RPS6KA2: variants seen among roughly 807,000 people sequenced by gnomAD.
The protein encoded by RPS6KA2 is ribosomal protein S6 kinase A2.
A neutral mutation model predicts 91.8 loss-of-function variants in RPS6KA2; 42 were observed. The ratio of observed to expected loss-of-function variants is 0.46; its 90% CI spans 0.36 to 0.59. The LOEUF (loss-of-function observed/expected upper bound fraction) is 0.59, where lower values mean the gene tolerates loss of function less well. Among genes scored for constraint, RPS6KA2 ranks in the 20% least tolerant of loss-of-function variants. The pLI, the probability that RPS6KA2 is intolerant of heterozygous loss-of-function variation, is 0.00. For synonymous variants in RPS6KA2, 414 were observed against 393.6 expected (o/e 1.05, Z -0.61); for missense variants, 798 against 978.5 (o/e 0.82, Z 2.46).
Position 166,430,434 on chromosome 6 carries a change from C to T in RPS6KA2, c.1581+19G>A. On this transcript the variant is annotated intron_variant, in intron 16 of 20. Transcript: ENST00000265678. ...GAAGCTCCCTCCTCCCCGAAGGCTG[C>T]CCCAGGCATGGCTCCTACCCCCTGG... is the stretch of plus-strand genomic sequence containing the variant. 6.3e-7 allele frequency: 1 copy of T among 1,597,560 alleles called. No homozygotes were observed. The highest frequency in any genetic ancestry group is 8.6e-7 in the Non-Finnish European group (1 of 1,169,542).
chr6:166,682,274 T>C (rs978194594), intron 2 of RPS6KA2, among the ~76,000 whole-genome samples: 3 of 152,268 alleles, frequency 2.0e-5, no homozygotes, highest in Non-Finnish European at 4.4e-5. Flanking sequence ...TAGTTGTTTT[T>C]AGTCCTTTCA....
At chr6:166,658,794 C>G (rs1788074103) in intron 2 of RPS6KA2, among the ~76,000 whole-genome samples, 1 of 152,192 alleles carries the variant, frequency 6.6e-6, no homozygotes, top group African/African-American at 2.4e-5. Flanking sequence ...GTCCGAGAAA[C>G]TTAAGGCCCT....
rs9356508 is a variant in RPS6KA2, at chr6:166,665,802, C to T, written c.124-127018G>A. Among the ~76,000 whole-genome samples the T allele has an allele frequency of 0.41, 62,938 of 151,842 alleles. 13,721 individuals are homozygous for T. The highest frequency in any genetic ancestry group is 0.56 in the African/African-American group (23,087 of 41,398). ...TTGTTCATGTCACGGAGAAGGAAGCCGAGTGAGGATGAGAAAAGCAACCTT... is the reference window on the plus strand; with the variant it reads ...TTGTTCATGTCACGGAGAAGGAAGCTGAGTGAGGATGAGAAAAGCAACCTT... On this transcript the variant is annotated intron_variant, in intron 2 of 21. Coordinates refer to the RPS6KA2 transcript ENST00000503859. This position sits in a 1 kb window ranked among gnomAD's most constrained non-coding sequence, Gnocchi z 4.5.
chr6:166,858,251 C>T, exon 2 of RPS6KA2: 1 of 1,538,182 alleles, frequency 6.5e-7, no homozygotes, highest in South Asian at 1.1e-5. Flanking sequence ...TGAGATCCTC[C>T]TCTGTGGTCT....
In RPS6KA2 at chr6:166,459,339, T is replaced by C; in HGVS notation, c.1075+110A>G. 1 of 687,858 alleles carries C rather than the reference T, an allele frequency of 1.5e-6. No homozygotes were observed. Among genetic ancestry groups the C allele is most frequent in the East Asian group, 2.7e-5 (1 of 36,368 alleles). The allele number at this position is 687,858 out of a possible 1,614,324, so 42.6% of individuals were successfully genotyped here. ...AAAACCCAAACAGAATGGACAGTTA[T>C]TTTCCATGAAAAGAATTCTGAGGCA... is the stretch of plus-strand genomic sequence containing the variant. On this transcript the variant is annotated intron_variant, in intron 12 of 20. Coordinates refer to ENST00000265678, the MANE Select transcript of RPS6KA2 (RefSeq NM_021135.6). The surrounding 1 kb of genome is among the most constrained non-coding windows in gnomAD (Gnocchi z 4.9).
At position 166,448,542 on chromosome 6, in the gene RPS6KA2, G is replaced by T. The variant is rs1008287666; in HGVS notation, c.1332+182C>A. 6.6e-6 allele frequency among the ~76,000 whole-genome samples: 1 copy of T among 152,210 alleles called. No homozygotes were observed. Among genetic ancestry groups the T allele is most frequent in the Non-Finnish European group, 1.5e-5 (1 of 68,038 alleles). On this transcript the variant is annotated intron_variant, in intron 14 of 20. Transcript: ENST00000265678. The surrounding 1 kb of genome is among the most constrained non-coding windows in gnomAD (Gnocchi z 4.7). ...TCCCTGCTGGAGTCACTGCACAGCTGAGCACGTGAGCACATATGCTGTGCT... is the reference window on the plus strand; with the variant it reads ...TCCCTGCTGGAGTCACTGCACAGCTTAGCACGTGAGCACATATGCTGTGCT...
At chr6:166,716,176 T>C (rs182689140) in intron 2 of RPS6KA2, among the ~76,000 whole-genome samples, 2 of 152,092 alleles carry the variant, frequency 1.3e-5, no homozygotes, top group Non-Finnish European at 2.9e-5. Context: ...ACAGGTTAAC[T>C]GATGTCAACA....
intron 3 of RPS6KA2, among the ~76,000 whole-genome samples, chr6:166,529,075 A>T (rs1783165404): frequency 6.6e-6 from 1 of 152,230 alleles, no homozygotes; most frequent in Non-Finnish European, 1.5e-5. Flanking sequence ...TACTGGGTAT[A>T]TACCCAAAGG....
At chr6:166,765,828 A>C (rs1305154124) in intron 2 of RPS6KA2, among the ~76,000 whole-genome samples, 2 of 152,220 alleles carry the variant, frequency 1.3e-5, no homozygotes, top group Non-Finnish European at 2.9e-5. Flanking sequence ...AGAAACAGTG[A>C]TTATGAAGAA....
intron 2 of RPS6KA2, among the ~76,000 whole-genome samples, chr6:166,776,972 T>C (rs1778638081): frequency 6.6e-6 from 1 of 152,242 alleles, no homozygotes; most frequent in Non-Finnish European, 1.5e-5. Flanking sequence ...CTCCGCCATT[T>C]GTAGTTCTCT....
chr6:166,419,929 C>A lies in RPS6KA2; in HGVS notation c.1773G>T (p.Ala591=). 8 of 1,613,952 alleles carry A rather than the reference C, an allele frequency of 5.0e-6. No individual in the cohort carries two copies. The highest frequency in any genetic ancestry group is 1.1e-5 in the South Asian group (1 of 91,080). The change falls in exon 18 of 21, where the codon GCG becomes GCT. Residue 591 remains alanine (A), a synonymous_variant. Transcript: ENST00000265678. The surrounding 1 kb of genome is among the most constrained non-coding windows in gnomAD (Gnocchi z 5.6). ...EVLKRQGYDA[A]CDIWSLGILL... The stretch of plus-strand genomic sequence containing the variant: ...GGATCCCCAAACTCCAGATGTCACA[C>A]GCCGCATCATAGCCTTGACGCTTCA...
intron 2 of RPS6KA2, among the ~76,000 whole-genome samples, chr6:166,705,386 C>T (rs1179232022): frequency 2.0e-5 from 3 of 152,218 alleles, no homozygotes; most frequent in Non-Finnish European, 4.4e-5. Flanking sequence ...CTGGCCACAG[C>T]AGTCTATGAA....
chr6:166,851,656 G>A (rs933841008), intron 2 of RPS6KA2, among the ~76,000 whole-genome samples: 2 of 152,176 alleles, frequency 1.3e-5, no homozygotes, highest in African/African-American at 2.4e-5. Flanking sequence ...CGGTGCCCAC[G>A]ATTTTAGAGA....
At chr6:166,593,505 G>T (rs758548651) in intron 1 of RPS6KA2, among the ~76,000 whole-genome samples, 3 of 152,180 alleles carry the variant, frequency 2.0e-5, no homozygotes, top group Non-Finnish European at 2.9e-5. Context: ...AGGCAACCAG[G>T]TCCACAAATC....
chr6:166,456,170 C>T (rs745757845), intron 12 of RPS6KA2, among the ~76,000 whole-genome samples: 17 of 152,200 alleles, frequency 1.1e-4, no homozygotes, highest in Non-Finnish European at 2.1e-4. Context: ...CATGCCTCTC[C>T]TCACACAGAC....
intron 3 of RPS6KA2, among the ~76,000 whole-genome samples, chr6:166,530,410 C>A (rs542920199): frequency 6.6e-6 from 1 of 152,350 alleles, no homozygotes; most frequent in African/African-American, 2.4e-5. Flanking sequence ...CCAGGGGCCA[C>A]GTGACCCTCC....
chr6:166,781,314 T>C lies in RPS6KA2; in HGVS notation c.123+76886A>G, dbSNP rs575279665. 5.2e-5 allele frequency among the ~76,000 whole-genome samples: 8 copies of C among 152,382 alleles called. No individual in the cohort carries two copies. In the East Asian group the frequency reaches 1.5e-3, roughly 29 times the overall value. On this transcript the variant is annotated intron_variant, in intron 2 of 21. Transcript: ENST00000503859. ...TGTGCATTTTGGGGATTGTTCAAGATGACTTCTTAACGTCAGTGGCTTCTC... is the reference window on the plus strand; with the variant it reads ...TGTGCATTTTGGGGATTGTTCAAGACGACTTCTTAACGTCAGTGGCTTCTC...
At chr6:166,793,803 G>T (rs1389017049) in intron 2 of RPS6KA2, among the ~76,000 whole-genome samples, 9 of 152,042 alleles carry the variant, frequency 5.9e-5, no homozygotes, top group Non-Finnish European at 1.3e-4. Flanking sequence ...CTAGCCATAT[G>T]TAGAAAGCTG....
In RPS6KA2 at chr6:166,610,294, G is replaced by A. The variant is rs528609930; in HGVS notation, c.99+16627C>T. 5.8e-4 allele frequency among the ~76,000 whole-genome samples: 88 copies of A among 152,300 alleles called. 1 individual carries two copies. The highest frequency in any genetic ancestry group is 2.0e-3 in the African/African-American group (85 of 41,550). On this transcript the variant is annotated intron_variant, in intron 1 of 20. Coordinates refer to ENST00000265678, the MANE Select transcript of RPS6KA2 (RefSeq NM_021135.6). Reference sequence around the variant, plus strand: ...AGAAGGTAAATGCAAATGGCCTTCCGCTCCTTTCCCGTGAATAAGGAGATA... The same window carrying A: ...AGAAGGTAAATGCAAATGGCCTTCCACTCCTTTCCCGTGAATAAGGAGATA...
Sources: gnomAD v4.1 joint callset for allele counts (sites outside exome capture counted in the v4.1 genomes callset) on GRCh38, gnomAD v4.1.1 for gene constraint, Gnocchi (gnomAD v3.1) non-coding constraint, MANE v1.5 for transcripts, NCBI Gene and HGNC (gene_info 2026-07-23, HGNC 2026-07-21) for gene names.